The following GALNT13 variants were observed in gnomAD, a reference collection of about 807,000 sequenced individuals.
GALNT13 encodes polypeptide N-acetylgalactosaminyltransferase 13, also known as UDP-GalNAc:polypeptide N-acetylgalactosaminyltransferase 13.
A neutral mutation model predicts 64.2 loss-of-function variants in GALNT13; 28 were observed. That is an observed-to-expected ratio of 0.44 (90% confidence interval 0.32 to 0.60). The LOEUF is 0.60. Among genes scored for constraint, GALNT13 ranks in the 20% least tolerant of loss-of-function variants. The pLI, the probability that GALNT13 is intolerant of heterozygous loss-of-function variation, is 0.05. For synonymous variants in GALNT13, 214 were observed against 224.6 expected, an observed-to-expected ratio of 0.95 and a Z score of 0.42; for missense variants, 577 against 669.8, an observed-to-expected ratio of 0.86 and a Z score of 1.53.
the GALNT13 span, among the ~76,000 whole-genome samples, chr2:153,729,348 G>A: frequency 1.3e-5 from 2 of 152,022 alleles, no homozygotes; most frequent in African/African-American, 4.8e-5. Context: ...TGGATTAAAT[G>A]TTCAGTCTCT....
At chr2:154,195,953 C>T (rs898142760) in intron 4 of GALNT13, among the ~76,000 whole-genome samples, 3 of 152,114 alleles carry the variant, frequency 2.0e-5, no homozygotes, top group African/African-American at 7.2e-5. Context: ...AATATTGACC[C>T]ACCCAAGCTA....
chr2:153,554,843 C>A, the GALNT13 span, among the ~76,000 whole-genome samples: 4 of 152,100 alleles, frequency 2.6e-5, no homozygotes, highest in Admixed American at 1.3e-4. Context: ...CCTTTGCTTT[C>A]TTTTTATATC....
At chr2:153,875,548 A>G (rs543840866) in intron 1 of GALNT13, among the ~76,000 whole-genome samples, 4 of 152,168 alleles carry the variant, frequency 2.6e-5, no homozygotes, top group Non-Finnish European at 5.9e-5. Flanking sequence ...ATTTCTAGAA[A>G]TAGTAGTTGT....
At chr2:153,843,061 G>T in the GALNT13 span, among the ~76,000 whole-genome samples, 1 of 71,228 alleles carries the variant, frequency 1.4e-5, no homozygotes, top group Non-Finnish European at 4.2e-5. Context: ...AAGCATAGGG[G>T]ATTAAAAAAA....
chr2:154,425,756 A>C (rs74440249), intron 11 of GALNT13, among the ~76,000 whole-genome samples: 1 of 152,198 alleles, frequency 6.6e-6, no homozygotes, highest in East Asian at 1.9e-4. Context: ...TGTGTATTGA[A>C]TTCAGCAGTT....
chr2:153,443,505 C>T, the GALNT13 span, among the ~76,000 whole-genome samples: 1 of 152,234 alleles, frequency 6.6e-6, no homozygotes, highest in African/African-American at 2.4e-5. Flanking sequence ...TGGACTTTCT[C>T]TAATTTCATA....
At chr2:154,318,542 A>T (rs1360659626) in intron 9 of GALNT13, among the ~76,000 whole-genome samples, 1 of 152,004 alleles carries the variant, frequency 6.6e-6, no homozygotes, top group Non-Finnish European at 1.5e-5. Context: ...CCTGGCCAAC[A>T]TAGTAAAACC....
At chr2:154,315,804 T>C (rs1439516812) in intron 9 of GALNT13, among the ~76,000 whole-genome samples, 1 of 152,224 alleles carries the variant, frequency 6.6e-6, no homozygotes, top group African/African-American at 2.4e-5. Context: ...CATATAATAT[T>C]TGCACACTGA....
the GALNT13 span, among the ~76,000 whole-genome samples, chr2:153,842,369 A>AG: frequency 6.6e-6 from 1 of 152,274 alleles, no homozygotes; most frequent in East Asian, 1.9e-4. Flanking sequence ...CAGGCTGGTG[A>AG]GAAAAATATT....
the GALNT13 span, among the ~76,000 whole-genome samples, chr2:153,803,703 A>AG: frequency 9.3e-5 from 14 of 150,740 alleles, no homozygotes; most frequent in East Asian, 1.9e-3. Flanking sequence ...AAAAAAAAAA[A>AG]AAAAAGAAAA....
intron 11 of GALNT13, among the ~76,000 whole-genome samples, chr2:154,424,403 C>G (rs961754615): frequency 6.6e-6 from 1 of 152,140 alleles, no homozygotes; most frequent in African/African-American, 2.4e-5. Flanking sequence ...TGTGCTATAT[C>G]ATATTTAATA....
chr2:154,356,711 A>G (rs990214952), intron 9 of GALNT13, among the ~76,000 whole-genome samples: 3 of 151,962 alleles, frequency 2.0e-5, no homozygotes, highest in Non-Finnish European at 4.4e-5. Flanking sequence ...TACCTTTGCC[A>G]TATTCTAATC....
intron 4 of GALNT13, among the ~76,000 whole-genome samples, chr2:154,179,126 T>C (rs1685817538): frequency 6.6e-6 from 1 of 152,194 alleles, no homozygotes. Context: ...TCCCTGTCTC[T>C]GAAACTCCTT....
At chr2:153,926,825 A>G (rs992198638) in intron 2 of GALNT13, among the ~76,000 whole-genome samples, 1 of 152,104 alleles carries the variant, frequency 6.6e-6, no homozygotes, top group African/African-American at 2.4e-5. Flanking sequence ...TTTTCTTATT[A>G]CTTTAAAATA....
chr2:154,177,274 A>G (rs999025429), intron 4 of GALNT13, among the ~76,000 whole-genome samples: 3 of 152,098 alleles, frequency 2.0e-5, no homozygotes, highest in East Asian at 1.9e-4. Context: ...CCTAAAATGC[A>G]TATTGCTAAA....
chr2:153,630,808 T>TATTTATTTA, the GALNT13 span, among the ~76,000 whole-genome samples: 155 of 16,872 alleles, frequency 9.2e-3, no homozygotes, highest in Non-Finnish European at 0.012. Context: ...TATATATATA[T>TATTTATTTA]TTTTTTTTTT....
At chr2:153,583,978 G>C in the GALNT13 span, among the ~76,000 whole-genome samples, 1 of 152,158 alleles carries the variant, frequency 6.6e-6, no homozygotes, top group Non-Finnish European at 1.5e-5. Flanking sequence ...AGCTCCTATA[G>C]CCTGAAACTG....
intron 9 of GALNT13, among the ~76,000 whole-genome samples, chr2:154,323,898 G>A (rs935119891): frequency 7.2e-5 from 11 of 151,938 alleles, no homozygotes; most frequent in Non-Finnish European, 8.8e-5. Flanking sequence ...TTTGTCAGAC[G>A]GTTTTGCAGC....
At chr2:153,976,109 T>C (rs1251161639) in intron 3 of GALNT13, among the ~76,000 whole-genome samples, 1 of 152,150 alleles carries the variant, frequency 6.6e-6, no homozygotes, top group Admixed American at 6.6e-5. Flanking sequence ...GTTATATATT[T>C]TGATTTTGTC....
Sources: gnomAD v4.1 joint callset for allele counts (sites outside exome capture counted in the v4.1 genomes callset) on GRCh38, gnomAD v4.1.1 for gene constraint, MANE v1.5 for transcripts, NCBI Gene and HGNC (gene_info 2026-07-23, HGNC 2026-07-21) for gene names.